Variants in DCDC1 observed in about 807,000 individuals in gnomAD.
DCDC1 encodes doublecortin domain-containing protein 1.
In DCDC1, 200 loss-of-function variants were observed where a neutral mutation model predicts 178.3. The observed-to-expected ratio is 1.12, with a 90% confidence interval of 1.00 to 1.26. DCDC1 has a LOEUF of 1.26. DCDC1 is among the 50% of genes most tolerant of loss of function. The probability of loss-of-function intolerance (pLI) is 0.00; values close to 1 mark genes in which losing one functional copy is unlikely to be tolerated. For missense variants in DCDC1, 1,983 were observed against 1,749.2 expected (o/e 1.13, Z -2.38); for synonymous variants, 690 against 604.8 (o/e 1.14, Z -2.07).
intron 20 of DCDC1, among the ~76,000 whole-genome samples, chr11:30,956,691 A>G (rs972111881): frequency 6.6e-6 from 1 of 152,132 alleles, no homozygotes; most frequent in Admixed American, 6.5e-5. Flanking sequence ...AAATTACATT[A>G]GTGGGTAGGT....
At chr11:31,032,657 A>G (rs1212104322) in intron 20 of DCDC1, among the ~76,000 whole-genome samples, 2 of 152,198 alleles carry the variant, frequency 1.3e-5, no homozygotes, top group Non-Finnish European at 2.9e-5. Context: ...CAGGCATACA[A>G]ACAACAAATG....
At chr11:31,043,268 T>C (rs2135363830) in intron 20 of DCDC1, among the ~76,000 whole-genome samples, 1 of 152,326 alleles carries the variant, frequency 6.6e-6, no homozygotes, top group South Asian at 2.1e-4. Flanking sequence ...TACTTGTATG[T>C]AATTCAGAGA....
chr11:31,223,766 T>C (rs1974565667), intron 9 of DCDC1, among the ~76,000 whole-genome samples: 1 of 152,130 alleles, frequency 6.6e-6, no homozygotes, highest in Non-Finnish European at 1.5e-5. Context: ...TAGTATATCA[T>C]TTATATAAAG....
chr11:30,875,139 G>C (rs923966307), intron 38 of DCDC1, among the ~76,000 whole-genome samples: 1 of 152,136 alleles, frequency 6.6e-6, no homozygotes, highest in African/African-American at 2.4e-5. Flanking sequence ...GGCACCCACT[G>C]AATACCTACG....
Position 30,904,954 on chromosome 11 carries a change from C to A in DCDC1, c.4308+7G>T. On this transcript the variant is annotated splice_region_variant and intron_variant, in intron 31 of 38. Coordinates refer to ENST00000684477, the MANE Select transcript of DCDC1 (RefSeq NM_001387274.1). ...ATGCAAGCAGCATTTAAGTGATAGC[C>A]ACTTACCATGGGGAATGTTCCAGCC... The A allele has an allele frequency of 6.2e-7, 1 of 1,613,686 alleles. No individual in the cohort carries two copies. The highest frequency in any genetic ancestry group is 8.5e-7 in the Non-Finnish European group (1 of 1,179,650).
intron 1 of DCDC1, among the ~76,000 whole-genome samples, chr11:31,367,436 T>A (rs1952019526): frequency 6.6e-6 from 1 of 152,232 alleles, no homozygotes; most frequent in Non-Finnish European, 1.5e-5. Flanking sequence ...TATGGGACTG[T>A]TGGGTTGATT....
At chr11:31,197,454 T>A (rs1357559224) in intron 9 of DCDC1, among the ~76,000 whole-genome samples, 1 of 152,114 alleles carries the variant, frequency 6.6e-6, no homozygotes, top group Admixed American at 6.6e-5. Context: ...CATTGCCTAA[T>A]TAATTGTTTT....
At chr11:30,995,059 A>C (rs1951186231) in intron 20 of DCDC1, among the ~76,000 whole-genome samples, 1 of 151,952 alleles carries the variant, frequency 6.6e-6, no homozygotes, top group Admixed American at 6.6e-5. Flanking sequence ...GTTAGTAAGA[A>C]GGTTTAACAA....
chr11:31,212,921 T>C lies in DCDC1; in HGVS notation c.1221+28529A>G, dbSNP rs77744692. On this transcript the variant is annotated intron_variant, in intron 9 of 38. Transcript: ENST00000684477. The stretch of plus-strand genomic sequence containing the variant: ...TCCATTAGTAGCTATATATAACTGT[T>C]ATGTAAGATGTGGTAAACCTGTGTA... Among the ~76,000 whole-genome samples the C allele has an allele frequency of 2.4e-3, 367 of 152,198 alleles. 3 individuals carry two copies. The highest frequency in any genetic ancestry group is 8.4e-3 in the African/African-American group (347 of 41,502).
At chr11:30,989,740 G>A (rs566763167) in intron 20 of DCDC1, among the ~76,000 whole-genome samples, 84 of 152,208 alleles carry the variant, frequency 5.5e-4, no homozygotes, top group African/African-American at 2.0e-3. Context: ...ATAATATTGT[G>A]CATTCAAGAT....
Position 31,044,477 on chromosome 11 carries a change from CAA to C in DCDC1, c.2591+19990_2591+19991del, listed in dbSNP as rs34317259. On this transcript the variant is annotated intron_variant, in intron 20 of 38. Coordinates refer to ENST00000684477, the MANE Select transcript of DCDC1 (RefSeq NM_001387274.1). Reference sequence around the variant, plus strand: ...TGGGCGACAGAGCGATACTCCATCTCAAAAAAAAAAAAAAAAAAAAAGCACAG... The same window carrying C: ...TGGGCGACAGAGCGATACTCCATCTCAAAAAAAAAAAAAAAAAAAGCACAG... Among the ~76,000 whole-genome samples the C allele has an allele frequency of 1.5e-3, 148 of 96,898 alleles. 2 individuals are homozygous for C. Among genetic ancestry groups the C allele is most frequent in the African/African-American group, 2.1e-3 (56 of 26,300 alleles). 63.6% of individuals were successfully genotyped at this position (96,898 alleles called of 152,430 possible).
chr11:31,074,132 G>A (rs752796818), intron 18 of DCDC1, among the ~76,000 whole-genome samples: 3 of 152,024 alleles, frequency 2.0e-5, no homozygotes, highest in Non-Finnish European at 2.9e-5. Flanking sequence ...TAGGGGAAAT[G>A]GAAGGTATAG....
chr11:31,127,139 T>C (rs1488975161), intron 11 of DCDC1, among the ~76,000 whole-genome samples: 1 of 152,210 alleles, frequency 6.6e-6, no homozygotes, highest in Non-Finnish European at 1.5e-5. Flanking sequence ...AATGTTATTT[T>C]TAGAAACTGA....
intron 10 of DCDC1, among the ~76,000 whole-genome samples, chr11:31,136,784 C>T (rs1379379341): frequency 6.6e-6 from 1 of 152,058 alleles, no homozygotes; most frequent in Non-Finnish European, 1.5e-5. Flanking sequence ...TTGTCTAACA[C>T]CAATTTTGTA....
At chr11:31,274,107 A>ATT (rs1945796448) in intron 7 of DCDC1, among the ~76,000 whole-genome samples, 1 of 152,162 alleles carries the variant, frequency 6.6e-6, no homozygotes, top group Non-Finnish European at 1.5e-5. Context: ...GAGATACAAG[A>ATT]ATCCACTATT....
intron 3 of DCDC1, among the ~76,000 whole-genome samples, chr11:31,323,431 A>T (rs1477708545): frequency 6.6e-6 from 1 of 152,204 alleles, no homozygotes; most frequent in Non-Finnish European, 1.5e-5. Flanking sequence ...TTACAATATG[A>T]AATGAAGTAC....
In DCDC1 at chr11:31,059,863, A is replaced by G. The variant is rs1226044659; in HGVS notation, c.2591+4606T>C. On this transcript the variant is annotated intron_variant, in intron 20 of 38. Transcript: ENST00000684477. ...CTACTGTATACTCAAGAAAATCAGA[A>G]TGTAATTCAATTTTTAATATGTGGG... Among the ~76,000 whole-genome samples, 6 of 152,088 alleles carry G rather than the reference A, an allele frequency of 3.9e-5. No individual in the cohort carries two copies. In the East Asian group the frequency reaches 9.6e-4, roughly 24 times the overall value.
At chr11:31,051,900 G>C (rs915322875) in intron 20 of DCDC1, among the ~76,000 whole-genome samples, 1 of 151,960 alleles carries the variant, frequency 6.6e-6, no homozygotes, top group East Asian at 1.9e-4. Context: ...CAGGACCTAT[G>C]AAGCAAAAAT....
At chr11:31,276,247 T>A (rs1478838257) in intron 7 of DCDC1, among the ~76,000 whole-genome samples, 2 of 152,210 alleles carry the variant, frequency 1.3e-5, no homozygotes, top group African/African-American at 4.8e-5. Context: ...ATTACAACAG[T>A]ATTCACTATA....
Sources: gnomAD v4.1 joint callset for allele counts (sites outside exome capture counted in the v4.1 genomes callset) on GRCh38, gnomAD v4.1.1 for gene constraint, MANE v1.5 for transcripts, NCBI Gene and HGNC (gene_info 2026-07-23, HGNC 2026-07-21) for gene names.